PRKN: variants seen among roughly 807,000 people sequenced by gnomAD.
PRKN encodes E3 ubiquitin-protein ligase parkin.
In PRKN, 56 loss-of-function variants were observed where a neutral mutation model predicts 59.5. That is an observed-to-expected ratio of 0.94 (90% confidence interval 0.76 to 1.18). PRKN has a LOEUF of 1.18. PRKN is among the 50% of genes most tolerant of loss of function. The pLI is 0.00. For missense variants in PRKN, 657 were observed against 596.4 expected, an observed-to-expected ratio of 1.10 and a Z score of -1.06; for synonymous variants, 250 against 222.1, an observed-to-expected ratio of 1.13 and a Z score of -1.12.
chr6:161,349,199 A>G lies in PRKN; in HGVS notation c.*900T>C, dbSNP rs1351827202. ...AATCATTTCTAAACGTGTTTCCTTT[A>G]TAGGCACTTTATCTATTAAATTTAC... On this transcript the variant is annotated 3_prime_UTR_variant, in exon 12 of 12. Transcript: ENST00000366898. This position sits in a 1 kb window ranked among gnomAD's most constrained non-coding sequence, Gnocchi z 5.5. The G allele has an allele frequency of 9.0e-6, 2 of 221,444 alleles. No individual in the cohort carries two copies. The highest frequency in any genetic ancestry group is 1.8e-5 in the Non-Finnish European group (2 of 110,764). The allele number at this position is 221,444 out of a possible 1,614,324, so 13.7% of individuals were successfully genotyped here. A position where few individuals can be genotyped will look rare whatever the true frequency, so the allele number is the denominator to read the frequency against.
intron 6 of PRKN, among the ~76,000 whole-genome samples, chr6:161,857,600 C>T (rs371304797): frequency 6.6e-5 from 10 of 152,322 alleles, no homozygotes; most frequent in South Asian, 6.2e-4. Flanking sequence ...ATGTCTGTAT[C>T]TGTTAAATGT....
rs146248492 is a variant in PRKN at position 162,669,375 on chromosome 6, A to C, written c.7+58287T>G. Reference sequence around the variant, plus strand: ...TTGAGTCACGATTGCCCCCATTAAAAACCACTATGTTTTAAAGAGGACTGT... The same window carrying C: ...TTGAGTCACGATTGCCCCCATTAAACACCACTATGTTTTAAAGAGGACTGT... On this transcript the variant is annotated intron_variant, in intron 1 of 11. Transcript: ENST00000366898. Among the ~76,000 whole-genome samples, 664 of 152,270 alleles carry C rather than the reference A, an allele frequency of 4.4e-3. 1 individual carries two copies. Among genetic ancestry groups the C allele is most frequent in the African/African-American group, 0.015 (631 of 41,560 alleles).
chr6:162,383,738 T>C (rs1051818426), intron 2 of PRKN, among the ~76,000 whole-genome samples: 2 of 152,216 alleles, frequency 1.3e-5, no homozygotes, highest in African/African-American at 4.8e-5. Context: ...AAGTCCTGGA[T>C]AGCATCTTCC....
In PRKN at chr6:161,939,447, C is replaced by T. The variant is rs546045611; in HGVS notation, c.734+33855G>A. On this transcript the variant is annotated intron_variant, in intron 6 of 11. Transcript: ENST00000366898. ...AAAAAAAAAAAAAAAAAAAAAATAC[C>T]GTCGTCGGGCATGGTGGCTCACACT... Among the ~76,000 whole-genome samples the T allele has an allele frequency of 9.7e-3, 1,145 of 117,534 alleles. 20 individuals carry two copies. The highest frequency in any genetic ancestry group is 0.035 in the African/African-American group (1,097 of 31,042). 77.1% of individuals were successfully genotyped at this position (117,534 alleles called of 152,430 possible). A position where few individuals can be genotyped will look rare whatever the true frequency, so the allele number is the denominator to read the frequency against.
chr6:161,499,552 G>C lies in PRKN; in HGVS notation c.1083+49302C>G, dbSNP rs558574876. 6.6e-6 allele frequency among the ~76,000 whole-genome samples: 1 copy of C among 152,144 alleles called. No homozygotes were observed. The highest frequency in any genetic ancestry group is 2.4e-5 in the African/African-American group (1 of 41,532). ...TCTAGCCTCTTGCATCTACCTCTATGGTTTGACTTCTGAAAATGTGGTCCC... is the reference window on the plus strand; with the variant it reads ...TCTAGCCTCTTGCATCTACCTCTATCGTTTGACTTCTGAAAATGTGGTCCC... On this transcript the variant is annotated intron_variant, in intron 9 of 11. Coordinates refer to ENST00000366898, the MANE Select transcript of PRKN (RefSeq NM_004562.3). The surrounding 1 kb of genome is among the most constrained non-coding windows in gnomAD (Gnocchi z 4.2).
chr6:161,517,856 G>A (rs1466602503), intron 9 of PRKN, among the ~76,000 whole-genome samples: 1 of 150,744 alleles, frequency 6.6e-6, no homozygotes, highest in Non-Finnish European at 1.5e-5. Context: ...TTTTGGTACT[G>A]TACTCTAGCT....
intron 2 of PRKN, among the ~76,000 whole-genome samples, chr6:162,298,144 A>G (rs1781766190): frequency 6.6e-6 from 1 of 151,996 alleles, no homozygotes; most frequent in Admixed American, 6.6e-5. Context: ...GGGAGGTACC[A>G]GGAGGTCAAT....
intron 1 of PRKN, among the ~76,000 whole-genome samples, chr6:162,519,467 A>C (rs1437386907): frequency 6.6e-6 from 1 of 152,144 alleles, no homozygotes; most frequent in Non-Finnish European, 1.5e-5. Context: ...CCAGCCACAA[A>C]CACTTTGAGA....
At chr6:161,420,160 C>T (rs1298293558) in intron 9 of PRKN, among the ~76,000 whole-genome samples, 2 of 151,510 alleles carry the variant, frequency 1.3e-5, no homozygotes, top group African/African-American at 4.9e-5. Context: ...ATTGCTTGAA[C>T]CCAGGAGACA....
intron 1 of PRKN, among the ~76,000 whole-genome samples, chr6:162,556,401 G>C (rs75745707): frequency 0.015 from 2,023 of 131,050 alleles, 34 homozygotes; most frequent in South Asian, 0.03. Flanking sequence ...GTGTGTGTGT[G>C]TGTCAGTTTG....
intron 2 of PRKN, among the ~76,000 whole-genome samples, chr6:162,313,846 C>A (rs1426734530): frequency 3.9e-5 from 6 of 152,062 alleles, no homozygotes; most frequent in Admixed American, 3.9e-4. Context: ...TTGTTTCCAC[C>A]TTTTGGCCAT....
At chr6:162,571,540 C>T in intron 1 of PRKN, among the ~76,000 whole-genome samples, 1 of 152,056 alleles carries the variant, frequency 6.6e-6, no homozygotes, top group Non-Finnish European at 1.5e-5. Context: ...AATGTAGGCA[C>T]TCAGTGAGAA....
chr6:161,906,012 A>C (rs1778132180), intron 6 of PRKN, among the ~76,000 whole-genome samples: 1 of 150,024 alleles, frequency 6.7e-6, no homozygotes, highest in Non-Finnish European at 1.5e-5. Flanking sequence ...TTAATTTTAA[A>C]AGAGAGACAG....
chr6:162,521,830 A>G (rs1778089428), intron 1 of PRKN, among the ~76,000 whole-genome samples: 1 of 152,180 alleles, frequency 6.6e-6, no homozygotes, highest in Non-Finnish European at 1.5e-5. Flanking sequence ...ACTTAATAAA[A>G]GATTAAGAAA....
intron 6 of PRKN, among the ~76,000 whole-genome samples, chr6:161,787,817 G>A (rs1402559366): frequency 1.3e-5 from 2 of 151,970 alleles, no homozygotes; most frequent in Admixed American, 1.3e-4. Flanking sequence ...GTGGTGGCGG[G>A]CGCCTGTAAT....
chr6:161,668,266 G>GA (rs11386769), intron 7 of PRKN, among the ~76,000 whole-genome samples: 22,727 of 121,500 alleles, frequency 0.19, 2,485 homozygotes, highest in Admixed American at 0.38. Context: ...TTCATATAAA[G>GA]AAAAAAAAAA....
chr6:162,092,995 T>C (rs987061105), intron 4 of PRKN, among the ~76,000 whole-genome samples: 26 of 152,194 alleles, frequency 1.7e-4, no homozygotes, highest in African/African-American at 6.0e-4. Context: ...TCAGGACAGA[T>C]TGGAACTGCC....
intron 1 of PRKN, among the ~76,000 whole-genome samples, chr6:162,697,523 T>C (rs1778012274): frequency 6.6e-6 from 1 of 152,208 alleles, no homozygotes; most frequent in Non-Finnish European, 1.5e-5. Flanking sequence ...AATGTGTTTA[T>C]GTCAGGTTCC....
chr6:161,482,642 T>C (rs546234768), intron 9 of PRKN, among the ~76,000 whole-genome samples: 1 of 152,352 alleles, frequency 6.6e-6, no homozygotes, highest in Non-Finnish European at 1.5e-5. Flanking sequence ...ATGCTTTCTA[T>C]GTTACGGCTA....
Sources: allele counts gnomAD v4.1 joint callset (sites outside exome capture counted in the v4.1 genomes callset), GRCh38; gene constraint gnomAD v4.1.1; non-coding constraint Gnocchi (gnomAD v3.1); transcripts MANE v1.5; gene names NCBI Gene and HGNC (gene_info 2026-07-23, HGNC 2026-07-21).